The following BAG1 variants were observed in gnomAD, a reference collection of about 807,000 sequenced individuals.
The protein encoded by BAG1 is BAG family molecular chaperone regulator 1.
In BAG1, 35 loss-of-function variants were observed where a neutral mutation model predicts 35.5. The observed-to-expected ratio is 0.99, with a 90% CI of 0.75 to 1.31. BAG1 has a LOEUF of 1.31. Ranked by LOEUF, BAG1 falls within the 50% of genes most tolerant of loss-of-function variation. BAG1 has a pLI of 0.00. For synonymous variants in BAG1, 191 were observed against 178.9 expected (o/e 1.07, Z -0.54); for missense variants, 464 against 453.6 (o/e 1.02, Z -0.21).
At chr9:33,261,856 A>G in intron 2 of BAG1, 2 of 983,350 alleles carry the variant, frequency 2.0e-6, no homozygotes, top group Non-Finnish European at 2.4e-6. Flanking sequence ...GGCAGAAATG[A>G]GCATCATGCA....
At chr9:33,259,118 T>C in intron 3 of BAG1, 85 bp from the exon 4 acceptor site, 11 of 1,084,308 alleles carry the variant, frequency 1.0e-5, no homozygotes, top group Non-Finnish European at 1.4e-5. Context: ...CCCAGCACTT[T>C]GGGAGGCCGA....
intron 4 of BAG1, chr9:33,257,298 A>AGAG (rs1820476257): frequency 5.8e-6 from 1 of 171,870 alleles, no homozygotes; most frequent in Admixed American, 6.3e-5. Context: ...TTCATGCCTC[A>AGAG]GTACCCTCAT....
chr9:33,260,508 G>C (rs1215146216), intron 3 of BAG1: 1 of 152,156 alleles, frequency 6.6e-6, no homozygotes, highest in Non-Finnish European at 1.5e-5. Context: ...TCACAATAAG[G>C]GAACTTCATA....
intron 4 of BAG1, among the ~76,000 whole-genome samples, chr9:33,258,355 TA>T (rs1164268730): frequency 2.6e-5 from 3 of 117,268 alleles, no homozygotes; most frequent in Admixed American, 8.0e-5. Flanking sequence ...ATTAATGCTA[TA>T]AAATGAGAGG....
chr9:33,257,832 GTAAA>G (rs1441824195), intron 4 of BAG1: 2 of 152,158 alleles, frequency 1.3e-5, no homozygotes, highest in Non-Finnish European at 2.9e-5. Flanking sequence ...TTTATAAAGT[GTAAA>G]TAACATTATA....
chr9:33,262,056 A>T (rs1056950345), intron 2 of BAG1: 8 of 1,235,942 alleles, frequency 6.5e-6, no homozygotes, highest in Non-Finnish European at 7.3e-6. Flanking sequence ...AAGTGATGCA[A>T]AAATAGCAGG....
In BAG1 at chr9:33,252,507, A is replaced by G. The variant is rs1261241390; in HGVS notation, c.*2712T>C. On this transcript the variant is annotated 3_prime_UTR_variant, in exon 7 of 7. Coordinates refer to ENST00000634734, the MANE Select transcript of BAG1 (RefSeq NM_004323.6). Reference sequence around the variant, plus strand: ...AATATTTATTGAGGTCTTACTATATACAAGACTATATAACAAGTTATGCTT... The same window carrying G: ...AATATTTATTGAGGTCTTACTATATGCAAGACTATATAACAAGTTATGCTT... 4.6e-5 allele frequency: 7 copies of G among 151,306 alleles called. No individual in the cohort carries two copies. Among genetic ancestry groups the G allele is most frequent in the Admixed American group, 1.3e-4 (2 of 15,170 alleles). The allele number at this position is 151,306 out of a possible 1,614,324, so 9.4% of individuals were successfully genotyped here. A position where few individuals can be genotyped will look rare whatever the true frequency, so the allele number is the denominator to read the frequency against.
intron 2 of BAG1, chr9:33,261,828 C>T (rs1181781371): frequency 4.2e-6 from 4 of 956,456 alleles, no homozygotes; most frequent in East Asian, 1.2e-4. Context: ...GGGCAGGGGC[C>T]AGGAGGGTGT....
chr9:33,263,503 C>A (rs1221992413), intron 1 of BAG1, among the ~76,000 whole-genome samples: 1 of 152,206 alleles, frequency 6.6e-6, no homozygotes, highest in Non-Finnish European at 1.5e-5. Context: ...GTACATTACA[C>A]CAAGGTTTGG....
At position 33,258,969 on chromosome 9, in the gene BAG1, A is replaced by G. The variant is rs1308898362; in HGVS notation, c.728T>C (p.Ile243Thr). 3.1e-6 allele frequency: 5 copies of G among 1,614,234 alleles called. No individual in the cohort carries two copies. Among genetic ancestry groups the G allele is most frequent in the East Asian group, 2.2e-5 (1 of 44,886 alleles). Residue 243 changes from isoleucine (I) to threonine (T), a missense_variant, in exon 4 of 7, where the codon ATA becomes ACA. Transcript: ENST00000634734. ...ATTCAACTCTTCCAGCTGGTCAGCT[A>G]TCTTCTCCACAGACTTCTCCAAATG...
chr9:33,264,692 G>A lies in BAG1; in HGVS notation c.-18C>T, dbSNP rs1373674267. ...TGAGCCAGGCCCGCACTTGTTGACC[G>A]CCCAGCGATGGAAGCTGAGCGCGGC... On this transcript the variant is annotated 5_prime_UTR_variant, in exon 1 of 7. Coordinates refer to ENST00000634734, the MANE Select transcript of BAG1 (RefSeq NM_004323.6). 5.2e-6 allele frequency: 7 copies of A among 1,356,478 alleles called. No homozygotes were observed. The highest frequency in any genetic ancestry group is 3.8e-6 in the Non-Finnish European group (4 of 1,060,766). 84.0% of individuals were successfully genotyped at this position (1,356,478 alleles called of 1,614,324 possible).
intron 2 of BAG1, among the ~76,000 whole-genome samples, chr9:33,261,606 T>G (rs956221625): frequency 2.0e-5 from 3 of 152,234 alleles, no homozygotes; most frequent in African/African-American, 7.2e-5. Context: ...TTCTTTTTCA[T>G]GCATTCCTCT....
At position 33,255,721 on chromosome 9, in the gene BAG1, C is replaced by T. The variant is rs922526182; in HGVS notation, c.948+144G>A. On this transcript the variant is annotated intron_variant, in intron 6 of 6. Transcript: ENST00000634734. ...AGGGACACAGGTGGCTCTTCTCTGA[C>T]GTTTGGGGTTCCTGCTGATAAATAT... is the stretch of plus-strand genomic sequence containing the variant. 9.6e-6 allele frequency: 8 copies of T among 833,132 alleles called. No homozygotes were observed. The Admixed American group carries it at 1.2e-4, about 13-fold the overall frequency. The allele number at this position is 833,132 out of a possible 1,614,324, so 51.6% of individuals were successfully genotyped here.
chr9:33,260,775 T>C (rs1304640643), intron 3 of BAG1, among the ~76,000 whole-genome samples: 4 of 152,188 alleles, frequency 2.6e-5, no homozygotes, highest in Non-Finnish European at 5.9e-5. Flanking sequence ...CAAATTCTAC[T>C]CCAAGTGAAT....
In BAG1 at chr9:33,252,491, T is replaced by G. The variant is rs1820356265; in HGVS notation, c.*2728A>C. 6.6e-6 allele frequency: 1 copy of G among 151,612 alleles called. No homozygotes were observed. Among genetic ancestry groups the G allele is most frequent in the South Asian group, 2.1e-4 (1 of 4,822 alleles). The allele number at this position is 151,612 out of a possible 1,614,324, so 9.4% of individuals were successfully genotyped here. A position where few individuals can be genotyped will look rare whatever the true frequency, so the allele number is the denominator to read the frequency against. ...ATTCATTTGTTCTCCAAATATTTAT[T>G]GAGGTCTTACTATATACAAGACTAT... On this transcript the variant is annotated 3_prime_UTR_variant, in exon 7 of 7. Coordinates refer to ENST00000634734, the MANE Select transcript of BAG1 (RefSeq NM_004323.6).
rs1258155251 is a variant in BAG1 at position 33,264,268 on chromosome 9, C to T, written c.407G>A (p.Arg136Lys). 1 of 1,613,580 alleles carries T rather than the reference C, an allele frequency of 6.2e-7. No individual in the cohort carries two copies. Residue 136 changes from arginine to lysine, a missense_variant, in exon 1 of 7, where the codon AGG (arginine) becomes AAG (lysine). Physicochemically the swap from Arg to Lys is conservative, Grantham distance 26. Coordinates refer to ENST00000634734, the MANE Select transcript of BAG1 (RefSeq NM_004323.6). ...GAGCCCAGCTGCCGCCATTTCCTCCCTGGTCACCTCCTCGCTCCGGGTCGA... is the reference window on the plus strand; with the variant it reads ...GAGCCCAGCTGCCGCCATTTCCTCCTTGGTCACCTCCTCGCTCCGGGTCGA...
intron 1 of BAG1, 134 bp from the exon 2 acceptor site, chr9:33,262,964 C>T: frequency 2.4e-6 from 3 of 1,249,528 alleles, no homozygotes; most frequent in Non-Finnish European, 3.2e-6. Context: ...AGCCTGCCCC[C>T]ATGCCACCCA....
At chr9:33,259,521 C>T (rs538981984) in intron 3 of BAG1, 105 of 154,470 alleles carry the variant, frequency 6.8e-4, no homozygotes, top group South Asian at 2.4e-3. Flanking sequence ...ATCAAGTTTT[C>T]CATCTACAAA....
Position 33,264,339 on chromosome 9 carries a change from C to G in BAG1, c.336G>C (p.Gln112His). Reference sequence around the variant, plus strand: ...CCTGGCTCCGATTCATCTCTTCGCCCTGGGTCGCCTCCTCACTCTGGGTCG... The same window carrying G: ...CCTGGCTCCGATTCATCTCTTCGCCGTGGGTCGCCTCCTCACTCTGGGTCG... Residue 112 changes from glutamine (Q) to histidine (H), a missense_variant, in exon 1 of 7, where the codon CAG becomes CAC. Gln to His is a conservative substitution (Grantham distance 24). Coordinates refer to ENST00000634734, the MANE Select transcript of BAG1 (RefSeq NM_004323.6). 1 of 1,613,842 alleles carries G rather than the reference C, an allele frequency of 6.2e-7. No individual in the cohort carries two copies. Among genetic ancestry groups the G allele is most frequent in the Non-Finnish European group, 8.5e-7 (1 of 1,179,932 alleles).
Sources: gnomAD v4.1 joint callset for allele counts (sites outside exome capture counted in the v4.1 genomes callset) on GRCh38, gnomAD v4.1.1 for gene constraint, MANE v1.5 for transcripts, NCBI Gene and HGNC (gene_info 2026-07-23, HGNC 2026-07-21) for gene names.